RFPL1: variants seen among roughly 807,000 people sequenced by gnomAD.
RFPL1 encodes the protein ret finger protein like 1.
RFPL1 carries 6 observed loss-of-function variants against 9.6 expected under a neutral mutation model. The ratio of observed to expected loss-of-function variants is 0.62; its 90% confidence interval spans 0.34 to 1.23. RFPL1 has a LOEUF of 1.23. Among genes scored for constraint, RFPL1 ranks in the 50% most tolerant of loss-of-function variants. The probability of loss-of-function intolerance (pLI) is 0.03; values close to 1 mark genes in which losing one functional copy is unlikely to be tolerated. For missense variants in RFPL1, 352 were observed against 398.4 expected (o/e 0.88, Z 0.99); for synonymous variants, 145 against 149.4 (o/e 0.97, Z 0.22).
At chr22:29,407,079 T>TTGTG in the RFPL1 span, among the ~76,000 whole-genome samples, 14 of 145,918 alleles carry the variant, frequency 9.6e-5, no homozygotes, top group South Asian at 9.0e-4. Flanking sequence ...AGTTGTTCTT[T>TTGTG]TGTGTGTGTG....
exon 2 of RFPL1, chr22:29,442,293 TTA>T (rs1355429324): frequency 4.2e-6 from 2 of 471,818 alleles, no homozygotes; most frequent in Non-Finnish European, 7.3e-6. Flanking sequence ...GTCCTAAGTA[TTA>T]ATTATTGCCA....
the RFPL1 span, among the ~76,000 whole-genome samples, chr22:29,418,408 CCA>C: frequency 6.6e-6 from 1 of 152,014 alleles, no homozygotes; most frequent in African/African-American, 2.4e-5. Context: ...TTTACTTGCA[CCA>C]CACAGTGTTT....
chr22:29,441,616 G>T (rs2062839540), exon 2 of RFPL1: 1 of 1,613,940 alleles, frequency 6.2e-7, no homozygotes. Flanking sequence ...CGTCCGAAGT[G>T]GGTGCATCAC....
chr22:29,436,330 C>G (rs1329305578), upstream of RFPL1, among the ~76,000 whole-genome samples: 1 of 152,032 alleles, frequency 6.6e-6, no homozygotes, highest in Non-Finnish European at 1.5e-5. Flanking sequence ...GTGGCTCACG[C>G]CTGTAATCCC....
exon 1 of RFPL1, chr22:29,438,995 G>T: frequency 6.2e-7 from 1 of 1,614,052 alleles, no homozygotes; most frequent in Non-Finnish European, 8.5e-7. Context: ...ATTCACTGCA[G>T]AAGGAGCCCC....
At chr22:29,397,429 C>T in the RFPL1 span, among the ~76,000 whole-genome samples, 2 of 152,100 alleles carry the variant, frequency 1.3e-5, no homozygotes, top group African/African-American at 4.8e-5. Flanking sequence ...GTGGGACTTG[C>T]TCAGAGTCCA....
chr22:29,442,196 G>A (rs1320952096), exon 2 of RFPL1: 19 of 1,113,140 alleles, frequency 1.7e-5, no homozygotes, highest in Admixed American at 1.5e-4. Flanking sequence ...CGCTCTACTC[G>A]GTAAAAGCGT....
exon 2 of RFPL1, chr22:29,442,043 A>G (rs2062843125): frequency 1.2e-6 from 2 of 1,613,972 alleles, no homozygotes; most frequent in Non-Finnish European, 1.7e-6. Context: ...CCTAATGGTG[A>G]TAAGAGTGTC....
chr22:29,427,162 G>C, the RFPL1 span, among the ~76,000 whole-genome samples: 3 of 152,252 alleles, frequency 2.0e-5, no homozygotes. Context: ...TCTGGTGAAG[G>C]CACCTGTGCT....
chr22:29,412,388 G>A, the RFPL1 span, among the ~76,000 whole-genome samples: 2 of 152,030 alleles, frequency 1.3e-5, no homozygotes, highest in Non-Finnish European at 2.9e-5. Flanking sequence ...CAGGGCAGTG[G>A]CAGCGCTCCC....
chr22:29,420,044 C>T, the RFPL1 span, among the ~76,000 whole-genome samples: 2 of 152,140 alleles, frequency 1.3e-5, no homozygotes, highest in East Asian at 1.9e-4. Flanking sequence ...TTAAGGCTTG[C>T]GGGGTGAGAG....
chr22:29,404,596 G>A, the RFPL1 span, among the ~76,000 whole-genome samples: 1 of 152,142 alleles, frequency 6.6e-6, no homozygotes, highest in East Asian at 1.9e-4. Context: ...ATTACAAGGT[G>A]CATATGAGCT....
the RFPL1 span, chr22:29,432,957 T>G: frequency 2.0e-5 from 3 of 152,274 alleles, no homozygotes; most frequent in Admixed American, 2.0e-4. Flanking sequence ...CAGAACATTT[T>G]AAAGAAGCAA....
chr22:29,393,905 G>A, the RFPL1 span, among the ~76,000 whole-genome samples: 2 of 152,126 alleles, frequency 1.3e-5, no homozygotes, highest in Non-Finnish European at 2.9e-5. Context: ...CGGAACTCCT[G>A]ACCTTAAATG....
chr22:29,417,437 G>A, the RFPL1 span, among the ~76,000 whole-genome samples: 3 of 150,918 alleles, frequency 2.0e-5, no homozygotes, highest in Non-Finnish European at 2.9e-5. Context: ...CCATGGGGAC[G>A]TCTGGAGCAG....
At chr22:29,425,085 T>C in the RFPL1 span, among the ~76,000 whole-genome samples, 4 of 150,474 alleles carry the variant, frequency 2.7e-5, no homozygotes, top group African/African-American at 9.8e-5. Context: ...GCGCCTGTAG[T>C]CCCAGCTACT....
chr22:29,401,152 G>T, the RFPL1 span, among the ~76,000 whole-genome samples: 1 of 152,266 alleles, frequency 6.6e-6, no homozygotes, highest in East Asian at 1.9e-4. Context: ...TGTATATGCT[G>T]TTATGACAAT....
chr22:29,431,410 C>T, the RFPL1 span, among the ~76,000 whole-genome samples: 2 of 152,134 alleles, frequency 1.3e-5, no homozygotes, highest in Admixed American at 6.6e-5. Flanking sequence ...TTTCCTTAAT[C>T]ATAGTGTGGC....
chr22:29,420,629 TTTTG>T, the RFPL1 span, among the ~76,000 whole-genome samples: 3 of 22,802 alleles, frequency 1.3e-4, no homozygotes, highest in African/African-American at 8.1e-4. Flanking sequence ...GCAGATGGTT[TTTTG>T]CTTTTTTTTT....
Sources: allele counts gnomAD v4.1 joint callset (sites outside exome capture counted in the v4.1 genomes callset), GRCh38; gene constraint gnomAD v4.1.1; transcripts MANE v1.5; gene names NCBI Gene and HGNC (gene_info 2026-07-23, HGNC 2026-07-21).